The following FAM177A1 variants were observed in gnomAD, a reference collection of about 807,000 sequenced individuals.
FAM177A1 encodes the protein family with sequence similarity 177 member A1.
A neutral mutation model predicts 26.1 loss-of-function variants in FAM177A1; 22 were observed. That is an observed-to-expected ratio of 0.84 (90% CI 0.60 to 1.20). The LOEUF (loss-of-function observed/expected upper bound fraction) is 1.20. Ranked by LOEUF, FAM177A1 falls within the 50% of genes most tolerant of loss-of-function variation. The pLI, the probability that FAM177A1 is intolerant of heterozygous loss-of-function variation, is 0.00. For synonymous variants in FAM177A1, 95 were observed against 99.3 expected (o/e 0.96, Z 0.26); for missense variants, 296 against 291.1 (o/e 1.02, Z -0.12).
chr14:35,081,226 T>C lies in FAM177A1; in HGVS notation c.709T>C (p.Ter237GlnextTer35). The change falls in exon 5 of 5, where the codon TAA becomes CAA. Residue 237 changes from the stop codon to glutamine, a stop_lost. Transcript: ENST00000280987. ...SKQNPVSVPP* is the reference protein window; with the variant it reads ...SKQNPVSVPPQ ...GCAAAATCCAGTCTCTGTCCCACCA[T>C]AAAATGAAATGACTATCAAGCTTCA... is the stretch of plus-strand genomic sequence containing the variant. 2.5e-6 allele frequency: 4 copies of C among 1,604,666 alleles called. No individual in the cohort carries two copies. The highest frequency in any genetic ancestry group is 2.5e-6 in the Non-Finnish European group (3 of 1,177,436).
intron 2 of FAM177A1, among the ~76,000 whole-genome samples, chr14:35,075,738 C>A (rs2045384419): frequency 6.6e-6 from 1 of 152,102 alleles, no homozygotes. Flanking sequence ...ACAATGAACT[C>A]AAACAAATTT....
rs1595061876 is a variant in FAM177A1, at chr14:35,081,905, G to A, written c.*677G>A. ...ATATTAAAACACTACTTATAGAATA[G>A]ATTTATTAATGTTAATACCTAGTGA... On this transcript the variant is annotated 3_prime_UTR_variant, in exon 5 of 5. Transcript: ENST00000280987. 1 of 152,204 alleles carries A rather than the reference G, an allele frequency of 6.6e-6. No homozygotes were observed. The highest frequency in any genetic ancestry group is 1.9e-4 in the East Asian group (1 of 5,186). 9.4% of individuals were successfully genotyped at this position (152,204 alleles called of 1,614,324 possible).
Position 35,046,316 on chromosome 14 carries a change from A to T in FAM177A1, c.-148A>T. ...CTCGGGGTGCGGAGCCCGGCGGGCT[A>T]GGCGAGGCGCGGGCTGGCCCCGCCC... On this transcript the variant is annotated 5_prime_UTR_variant, in exon 1 of 5. Transcript: ENST00000280987. 1 of 949,156 alleles carries T rather than the reference A, an allele frequency of 1.1e-6. No homozygotes were observed. Among genetic ancestry groups the T allele is most frequent in the Non-Finnish European group, 1.5e-6 (1 of 688,628 alleles). The allele number at this position is 949,156 out of a possible 1,614,324, so 58.8% of individuals were successfully genotyped here. A position where few individuals can be genotyped will look rare whatever the true frequency, so the allele number is the denominator to read the frequency against.
chr14:35,078,324 C>T (rs1221861774), intron 3 of FAM177A1, among the ~76,000 whole-genome samples: 2 of 152,262 alleles, frequency 1.3e-5, no homozygotes, highest in African/African-American at 4.8e-5. Flanking sequence ...TCCCCTCCTC[C>T]AGCCCAGTGA....
At chr14:35,079,532 T>C (rs1464390163) in intron 4 of FAM177A1, among the ~76,000 whole-genome samples, 1 of 152,176 alleles carries the variant, frequency 6.6e-6, no homozygotes, top group Non-Finnish European at 1.5e-5. Flanking sequence ...CCTTTAGTGC[T>C]TAAGAGCATG....
intron 3 of FAM177A1, among the ~76,000 whole-genome samples, chr14:35,077,791 TA>T (rs1428288211): frequency 1.3e-5 from 2 of 152,196 alleles, no homozygotes; most frequent in African/African-American, 4.8e-5. Context: ...CTCAAGTTCT[TA>T]AACCCTTTCT....
rs2045438217 is a variant in FAM177A1, at chr14:35,078,970, CAG to C, written c.451_452del (p.Ser151HisfsTer9). ...GEKIASVLGI[S>X]TPKYQYAIDE... ...AGAAGATTGCATCTGTTTTGGGTAT[CAG>C]CACCCCAAAGTACCAATATGCCATT... On this transcript the variant is annotated frameshift_variant, in exon 4 of 5. Coordinates refer to ENST00000280987, the MANE Select transcript of FAM177A1 (RefSeq NM_173607.5). LOFTEE classifies it high-confidence loss of function. 1 of 1,554,362 alleles carries C rather than the reference CAG, an allele frequency of 6.4e-7. No individual in the cohort carries two copies. The highest frequency in any genetic ancestry group is 1.4e-5 in the African/African-American group (1 of 70,650).
chr14:35,045,366 T>A (rs1595030742), upstream of FAM177A1, among the ~76,000 whole-genome samples: 2 of 152,308 alleles, frequency 1.3e-5, no homozygotes, highest in South Asian at 2.1e-4. Context: ...ATAGGAAGTG[T>A]ACAATAACAT....
intron 2 of FAM177A1, among the ~76,000 whole-genome samples, chr14:35,064,712 G>A (rs1392163459): frequency 1.3e-5 from 2 of 151,564 alleles, no homozygotes; most frequent in South Asian, 2.1e-4. Context: ...GTGCAGTGGC[G>A]CCATCTTGAC....
intron 2 of FAM177A1, among the ~76,000 whole-genome samples, chr14:35,069,971 G>C (rs1361644550): frequency 2.0e-5 from 3 of 151,160 alleles, no homozygotes; most frequent in Middle Eastern, 3.4e-3. Flanking sequence ...CAAAAATTAG[G>C]TGGGCGTGGT....
intron 1 of FAM177A1, among the ~76,000 whole-genome samples, chr14:35,051,788 A>T (rs1232727610): frequency 6.6e-6 from 1 of 152,212 alleles, no homozygotes; most frequent in Admixed American, 6.6e-5. Context: ...TAAAAGGCAG[A>T]GAAGAATCAT....
intron 2 of FAM177A1, among the ~76,000 whole-genome samples, chr14:35,054,393 T>C (rs986613784): frequency 6.6e-6 from 1 of 152,162 alleles, no homozygotes; most frequent in Non-Finnish European, 1.5e-5. Flanking sequence ...TATTTATTTA[T>C]AAAGAAATGC....
At chr14:35,076,164 T>C (rs897909157) in intron 2 of FAM177A1, among the ~76,000 whole-genome samples, 2 of 152,214 alleles carry the variant, frequency 1.3e-5, no homozygotes, top group African/African-American at 4.8e-5. Flanking sequence ...GCGGCACTAT[T>C]CACAATAGCA....
chr14:35,077,278 T>G (rs918495367), intron 3 of FAM177A1, 62 bp downstream of exon 3: 37 of 1,459,630 alleles, frequency 2.5e-5, no homozygotes, highest in Middle Eastern at 1.7e-4. Context: ...ACAGGAACTT[T>G]GCTAAATAGG....
chr14:35,074,254 C>T (rs757333984), intron 2 of FAM177A1, among the ~76,000 whole-genome samples: 13 of 152,166 alleles, frequency 8.5e-5, no homozygotes, highest in Admixed American at 2.6e-4. Flanking sequence ...AAACGATTCT[C>T]CCGTCTCAGT....
chr14:35,080,979 C>T (rs998213340), intron 4 of FAM177A1, 43 bp from the exon 5 acceptor site: 3 of 1,474,456 alleles, frequency 2.0e-6, no homozygotes, highest in Non-Finnish European at 2.7e-6. Context: ...ACCTTTTGGA[C>T]TTTCGTATTT....
chr14:35,071,946 T>A (rs944898336), intron 2 of FAM177A1, among the ~76,000 whole-genome samples: 18 of 152,296 alleles, frequency 1.2e-4, no homozygotes, highest in African/African-American at 4.3e-4. Context: ...GTTATATGTA[T>A]TATATGCTCT....
intron 2 of FAM177A1, among the ~76,000 whole-genome samples, chr14:35,059,613 C>A (rs7145883): frequency 0.18 from 26,682 of 150,100 alleles, 2,511 homozygotes; most frequent in East Asian, 0.37. Context: ...CGGCTCACTG[C>A]AACCTCTGCC....
In FAM177A1 at chr14:35,047,851, A is replaced by G. The variant is rs149416110; in HGVS notation, c.165+1223A>G. ...TCCTCCATGAGAATGAAGCTTTTTC[A>G]GTAGCTTCATTTTTGAGACTAAGTA... On this transcript the variant is annotated intron_variant, in intron 1 of 4. Transcript: ENST00000280987. Among the ~76,000 whole-genome samples, 23 of 152,282 alleles carry G rather than the reference A, an allele frequency of 1.5e-4. 1 individual carries two copies. In the East Asian group the frequency reaches 4.2e-3, roughly 28 times the overall value.
Sources: allele counts gnomAD v4.1 joint callset (sites outside exome capture counted in the v4.1 genomes callset), GRCh38; gene constraint gnomAD v4.1.1; transcripts MANE v1.5; gene names NCBI Gene and HGNC (gene_info 2026-07-23, HGNC 2026-07-21).